The following DTNA variants were observed in gnomAD, a reference collection of about 807,000 sequenced individuals.
DTNA encodes the protein dystrophin-related protein 3.
In DTNA, 43 loss-of-function variants were observed where a neutral mutation model predicts 100.7. That is an observed-to-expected ratio of 0.43 (90% CI 0.33 to 0.55). The LOEUF is 0.55. DTNA is among the 20% of genes least tolerant of loss of function. DTNA has a pLI of 0.04. For missense variants in DTNA, 798 were observed against 953.9 expected, an observed-to-expected ratio of 0.84 and a Z score of 2.15; for synonymous variants, 349 against 347.9, an observed-to-expected ratio of 1.00 and a Z score of -0.04.
intron 1 of DTNA, among the ~76,000 whole-genome samples, chr18:34,562,673 C>A (rs779266890): frequency 6.6e-6 from 1 of 152,162 alleles, no homozygotes; most frequent in Non-Finnish European, 1.5e-5. Flanking sequence ...CCCTGGGCAT[C>A]CACATCAGCA....
intron 11 of DTNA, among the ~76,000 whole-genome samples, chr18:34,835,236 A>G (rs1366935142): frequency 6.6e-6 from 1 of 152,246 alleles, no homozygotes; most frequent in Non-Finnish European, 1.5e-5. Flanking sequence ...TGGCACTAGA[A>G]ATTAAGAGCT....
chr18:34,550,862 A>G (rs1229871726), intron 1 of DTNA, among the ~76,000 whole-genome samples: 1 of 152,112 alleles, frequency 6.6e-6, no homozygotes, highest in Non-Finnish European at 1.5e-5. Context: ...TTTTCCTATT[A>G]TATTTTGCTT....
chr18:34,589,523 G>T (rs2049477811), intron 1 of DTNA, among the ~76,000 whole-genome samples: 1 of 151,986 alleles, frequency 6.6e-6, no homozygotes, highest in Non-Finnish European at 1.5e-5. Flanking sequence ...GCAGGAGAAT[G>T]GCATGAACCC....
At chr18:34,696,606 G>A (rs749812836) in intron 1 of DTNA, among the ~76,000 whole-genome samples, 1 of 151,954 alleles carries the variant, frequency 6.6e-6, no homozygotes, top group Admixed American at 6.6e-5. Context: ...ATAAGGTAAA[G>A]GAATGGCAGC....
intron 1 of DTNA, among the ~76,000 whole-genome samples, chr18:34,582,605 TAGAG>T (rs1476995271): frequency 2.0e-5 from 3 of 152,146 alleles, no homozygotes; most frequent in Admixed American, 1.3e-4. Flanking sequence ...GCAGACCACA[TAGAG>T]AGGGTAAATG....
chr18:34,829,154 A>G (rs1023742893), intron 10 of DTNA: 32 of 1,613,530 alleles, frequency 2.0e-5, no homozygotes, highest in Non-Finnish European at 2.7e-5. Context: ...CATGGTACCC[A>G]TTAACCCAAA....
At chr18:34,572,392 C>G (rs1359643277) in intron 1 of DTNA, among the ~76,000 whole-genome samples, 4 of 152,158 alleles carry the variant, frequency 2.6e-5, no homozygotes, top group African/African-American at 7.2e-5. Flanking sequence ...ATTGAGCTTG[C>G]TATGTGCTAA....
chr18:34,693,522 G>C (rs1315181856), intron 1 of DTNA, among the ~76,000 whole-genome samples: 1 of 152,114 alleles, frequency 6.6e-6, no homozygotes, highest in African/African-American at 2.4e-5. Context: ...CTATATTCTT[G>C]AGTTTATTTT....
intron 1 of DTNA, among the ~76,000 whole-genome samples, chr18:34,500,542 C>A (rs1435706308): frequency 6.6e-6 from 1 of 151,572 alleles, no homozygotes; most frequent in Non-Finnish European, 1.5e-5. Context: ...ATGCCCACTG[C>A]AACCTCCGCC....
At chr18:34,618,934 A>T (rs1042439902) in intron 1 of DTNA, among the ~76,000 whole-genome samples, 1 of 152,134 alleles carries the variant, frequency 6.6e-6, no homozygotes. Context: ...TTAATATTTC[A>T]TATGACAGAT....
intron 3 of DTNA, among the ~76,000 whole-genome samples, chr18:34,776,372 C>T (rs1237917022): frequency 2.0e-5 from 3 of 152,112 alleles, no homozygotes; most frequent in South Asian, 2.1e-4. Flanking sequence ...CTTACTCTGT[C>T]GCCCAGGCTG....
chr18:34,687,186 T>G (rs2079024812), intron 1 of DTNA, among the ~76,000 whole-genome samples: 1 of 152,156 alleles, frequency 6.6e-6, no homozygotes, highest in Non-Finnish European at 1.5e-5. Context: ...TCTGCTAACT[T>G]TTGAATTTGT....
chr18:34,542,065 C>G (rs1457458941), intron 1 of DTNA, among the ~76,000 whole-genome samples: 1 of 152,032 alleles, frequency 6.6e-6, no homozygotes, highest in Non-Finnish European at 1.5e-5. Context: ...TGGGCATCCC[C>G]TCAGTCTAGC....
intron 14 of DTNA, among the ~76,000 whole-genome samples, chr18:34,849,774 CA>C (rs2096448028): frequency 6.6e-6 from 1 of 152,220 alleles, no homozygotes; most frequent in Non-Finnish European, 1.5e-5. Flanking sequence ...CTTCTGACAG[CA>C]GGCAGCTGGA....
chr18:34,843,823 C>G (rs532841033), intron 13 of DTNA, among the ~76,000 whole-genome samples: 50 of 152,120 alleles, frequency 3.3e-4, no homozygotes, highest in African/African-American at 1.2e-3. Flanking sequence ...ATGTGTAGGT[C>G]AAGATTTGAC....
chr18:34,716,722 A>G (rs2084155045), intron 1 of DTNA, among the ~76,000 whole-genome samples: 1 of 152,238 alleles, frequency 6.6e-6, no homozygotes, highest in Admixed American at 6.5e-5. Flanking sequence ...GAATCATGCT[A>G]CTAACTAGCT....
Position 34,806,232 on chromosome 18 carries a change from A to G in DTNA, c.376A>G (p.Lys126Glu). The stretch of plus-strand genomic sequence containing the variant: ...ACCATTAAACAGGGAAGGCCATGGT[A>G]AAATTTCAGTATTTGCTGTCAAAAT... The part of the protein sequence containing the change: ...LAAFDPEGHG[K>E]ISVFAVKMAL... Residue 126 changes from lysine to glutamate, a missense_variant, in exon 5 of 23, where the codon AAA (lysine) becomes GAA (glutamate). Coordinates refer to ENST00000444659, the MANE Select transcript of DTNA (RefSeq NM_001386795.1). The G allele has an allele frequency of 6.2e-7, 1 of 1,613,924 alleles. No individual in the cohort carries two copies. The highest frequency in any genetic ancestry group is 8.5e-7 in the Non-Finnish European group (1 of 1,179,884).
chr18:34,596,934 T>C (rs1040928191), intron 1 of DTNA, among the ~76,000 whole-genome samples: 1 of 152,116 alleles, frequency 6.6e-6, no homozygotes, highest in Non-Finnish European at 1.5e-5. Context: ...ACATGTGCCA[T>C]GGTGGTTTGC....
Position 34,829,420 on chromosome 18 carries a change from C to T in DTNA, c.1106C>T (p.Ala369Val). ...CTCAGGTTACCTGAGGGAATAAGTGCATCCAGCCCTGTGGCTGAAGAGCAT... is the reference window on the plus strand; with the variant it reads ...CTCAGGTTACCTGAGGGAATAAGTGTATCCAGCCCTGTGGCTGAAGAGCAT... The part of the protein sequence containing the change: ...ITRRLPEGIS[A>V]SSPVAEEHSL... Residue 369 changes from alanine (A) to valine (V), a missense_variant, in exon 11 of 23, where the codon GCA becomes GTA. Transcript: ENST00000444659. The T allele has an allele frequency of 6.5e-7, 1 of 1,535,040 alleles. No homozygotes were observed. The highest frequency in any genetic ancestry group is 8.7e-7 in the Non-Finnish European group (1 of 1,146,446).
Sources: gnomAD v4.1 joint callset for allele counts (sites outside exome capture counted in the v4.1 genomes callset) on GRCh38, gnomAD v4.1.1 for gene constraint, MANE v1.5 for transcripts, NCBI Gene and HGNC (gene_info 2026-07-23, HGNC 2026-07-21) for gene names.